Variants in SLC13A1 observed in about 807,000 individuals in gnomAD.
SLC13A1 encodes the protein Na(+)/sulfate cotransporter.
A neutral mutation model predicts 70.0 loss-of-function variants in SLC13A1; 65 were observed. The ratio of observed to expected loss-of-function variants is 0.93; its 90% CI spans 0.76 to 1.14. SLC13A1 has a LOEUF of 1.14. Ranked by LOEUF, SLC13A1 falls within the 50% of genes most tolerant of loss-of-function variation. The pLI, the probability that SLC13A1 is intolerant of heterozygous loss-of-function variation, is 0.00. For missense variants in SLC13A1, 726 were observed against 717.8 expected (o/e 1.01, Z -0.13); for synonymous variants, 275 against 250.5 (o/e 1.10, Z -0.92).
At chr7:123,169,003 G>T in intron 4 of SLC13A1, 145 bp downstream of exon 4, 7 of 670,880 alleles carry the variant, frequency 1.0e-5, no homozygotes, top group Non-Finnish European at 1.7e-5. Flanking sequence ...TATTTTTGTA[G>T]ATACTGAGAA....
chr7:123,164,734 A>T (rs1409940582), intron 6 of SLC13A1, among the ~76,000 whole-genome samples: 1 of 151,956 alleles, frequency 6.6e-6, no homozygotes, highest in Non-Finnish European at 1.5e-5. Flanking sequence ...AGTTAGAAAG[A>T]CCTCAAATTA....
intron 8 of SLC13A1, among the ~76,000 whole-genome samples, chr7:123,130,535 A>G (rs1793722121): frequency 6.6e-6 from 1 of 152,090 alleles, no homozygotes; most frequent in South Asian, 2.1e-4. Flanking sequence ...GGAACCAGGG[A>G]GAAGAACAAC....
At chr7:123,178,675 TA>T (rs1418633048) in intron 2 of SLC13A1, among the ~76,000 whole-genome samples, 3 of 152,148 alleles carry the variant, frequency 2.0e-5, no homozygotes, top group Non-Finnish European at 2.9e-5. Flanking sequence ...TTTGGTCAGC[TA>T]ACTTATTAGT....
chr7:123,141,529 T>C (rs2462148), intron 7 of SLC13A1, among the ~76,000 whole-genome samples: 92,304 of 151,880 alleles, frequency 0.61, 28,255 homozygotes, highest in African/African-American at 0.67. Flanking sequence ...TAGCTATTAT[T>C]GTATTGAGGT....
intron 6 of SLC13A1, among the ~76,000 whole-genome samples, chr7:123,157,205 T>C (rs532271599): frequency 6.6e-6 from 1 of 152,282 alleles, no homozygotes; most frequent in East Asian, 1.9e-4. Flanking sequence ...ACAGCTAGTA[T>C]GAACTCTTCA....
At position 123,141,490 on chromosome 7, in the gene SLC13A1, T is replaced by C. The variant is rs1794141291; in HGVS notation, c.812+5669A>G. Reference sequence around the variant, plus strand: ...TGATTTTCTGTTTGGAAGGTCCATCTAATGCTGAAGGTGGGGTGTTGAAGT... The same window carrying C: ...TGATTTTCTGTTTGGAAGGTCCATCCAATGCTGAAGGTGGGGTGTTGAAGT... On this transcript the variant is annotated intron_variant, in intron 7 of 14. Transcript: ENST00000194130. 1.3e-5 allele frequency among the ~76,000 whole-genome samples: 2 copies of C among 152,162 alleles called. 1 individual carries two copies. Among genetic ancestry groups the C allele is most frequent in the Admixed American group, 1.3e-4 (2 of 15,270 alleles).
chr7:123,176,746 CATTTGCTTCACTTGG>C (rs985977484), intron 2 of SLC13A1, among the ~76,000 whole-genome samples: 2 of 152,126 alleles, frequency 1.3e-5, no homozygotes, highest in Non-Finnish European at 2.9e-5. Flanking sequence ...ATCTTCAAAA[CATTTGCTTCACTTGG>C]ATTCCAAGAT....
At chr7:123,186,122 A>G (rs1451124800) in intron 1 of SLC13A1, among the ~76,000 whole-genome samples, 4 of 152,064 alleles carry the variant, frequency 2.6e-5, no homozygotes, top group African/African-American at 9.7e-5. Flanking sequence ...TTTTAAAACT[A>G]TCCTATTAAA....
intron 7 of SLC13A1, among the ~76,000 whole-genome samples, chr7:123,141,444 T>G (rs573362019): frequency 3.9e-5 from 6 of 152,296 alleles, no homozygotes; most frequent in Admixed American, 1.3e-4. Flanking sequence ...GTAGTACAGA[T>G]TAAGTCCAAT....
intron 2 of SLC13A1, among the ~76,000 whole-genome samples, chr7:123,179,574 C>T (rs1339757320): frequency 1.3e-5 from 2 of 152,076 alleles, no homozygotes; most frequent in African/African-American, 2.4e-5. Flanking sequence ...TTAGTCAGGC[C>T]CTTACACACC....
chr7:123,194,266 A>G (rs969677223), intron 1 of SLC13A1, among the ~76,000 whole-genome samples: 1 of 152,084 alleles, frequency 6.6e-6, no homozygotes, highest in African/African-American at 2.4e-5. Context: ...GTGAGGTAAG[A>G]GGAGATGGCA....
chr7:123,156,391 TAAAG>T (rs1216731076), intron 6 of SLC13A1, among the ~76,000 whole-genome samples: 5 of 151,520 alleles, frequency 3.3e-5, no homozygotes, highest in African/African-American at 9.8e-5. Context: ...ATTTCAAAAT[TAAAG>T]AAATAAATAT....
At chr7:123,179,802 G>T (rs1795578696) in intron 2 of SLC13A1, among the ~76,000 whole-genome samples, 1 of 135,602 alleles carries the variant, frequency 7.4e-6, no homozygotes, top group South Asian at 2.4e-4. Flanking sequence ...ACAGACAAAG[G>T]TATAACTGTT....
At position 123,191,540 on chromosome 7, in the gene SLC13A1, A is replaced by G. The variant is rs546464578; in HGVS notation, c.99+8308T>C. ...GAGGATCCTAATTGTCTAAAACCTC[A>G]TCTAGACTGTTGATCATAGACTTTA... On this transcript the variant is annotated intron_variant, in intron 1 of 14. Transcript: ENST00000194130. Among the ~76,000 whole-genome samples the G allele has an allele frequency of 3.3e-5, 5 of 152,306 alleles. 1 individual carries two copies. Among genetic ancestry groups the G allele is most frequent in the Admixed American group, 6.5e-5 (1 of 15,294 alleles).
intron 6 of SLC13A1, among the ~76,000 whole-genome samples, chr7:123,151,996 AC>A (rs1794572832): frequency 6.9e-6 from 1 of 144,476 alleles, no homozygotes; most frequent in Non-Finnish European, 1.6e-5. Flanking sequence ...CATTCTACAG[AC>A]TGCAGCCTAC....
chr7:123,165,544 G>T (rs1388435471), intron 6 of SLC13A1, among the ~76,000 whole-genome samples: 2 of 152,028 alleles, frequency 1.3e-5, no homozygotes, highest in Admixed American at 6.6e-5. Flanking sequence ...TAATAAAAAA[G>T]CTCAGTTGCT....
chr7:123,127,429 G>A (rs1156355497), intron 10 of SLC13A1, among the ~76,000 whole-genome samples: 2 of 152,102 alleles, frequency 1.3e-5, no homozygotes, highest in African/African-American at 2.4e-5. Context: ...TTACGCACTG[G>A]TGTTTAGATA....
intron 1 of SLC13A1, among the ~76,000 whole-genome samples, chr7:123,188,446 A>G (rs551613333): frequency 1.7e-3 from 258 of 152,310 alleles, no homozygotes; most frequent in African/African-American, 5.7e-3. Context: ...TCCTTGGTAT[A>G]TGGGATTAAT....
At chr7:123,131,820 T>C (rs1793772558) in intron 8 of SLC13A1, among the ~76,000 whole-genome samples, 1 of 152,210 alleles carries the variant, frequency 6.6e-6, no homozygotes, top group Non-Finnish European at 1.5e-5. Context: ...TTTACAGACT[T>C]TGCCTAGTGT....
Sources: gnomAD v4.1 joint callset for allele counts (sites outside exome capture counted in the v4.1 genomes callset) on GRCh38, gnomAD v4.1.1 for gene constraint, MANE v1.5 for transcripts, NCBI Gene and HGNC (gene_info 2026-07-23, HGNC 2026-07-21) for gene names.